SORCS3: variants seen among roughly 807,000 people sequenced by gnomAD.
SORCS3 encodes VPS10 domain-containing receptor SorCS3.
A neutral mutation model predicts 146.3 loss-of-function variants in SORCS3; 57 were observed. The observed-to-expected ratio is 0.39, with a 90% CI of 0.31 to 0.49. The LOEUF (loss-of-function observed/expected upper bound fraction) is 0.49. Among genes scored for constraint, SORCS3 ranks in the 20% least tolerant of loss-of-function variants. SORCS3 has a pLI of 0.92. For missense variants in SORCS3, 1,341 were observed against 1,575.5 expected (o/e 0.85, Z 2.52); for synonymous variants, 653 against 618.5 (o/e 1.06, Z -0.83).
intron 4 of SORCS3, among the ~76,000 whole-genome samples, chr10:105,013,419 T>C (rs1046250885): frequency 1.3e-5 from 2 of 151,952 alleles, no homozygotes; most frequent in Non-Finnish European, 2.9e-5. Flanking sequence ...AGGAAAAAGG[T>C]CATCTTCTAT....
At chr10:104,688,792 T>C (rs996715287) in intron 1 of SORCS3, among the ~76,000 whole-genome samples, 3 of 152,192 alleles carry the variant, frequency 2.0e-5, no homozygotes, top group African/African-American at 7.2e-5. Context: ...CCACAGACTC[T>C]ATTCCCTCCA....
chr10:104,737,464 G>C (rs1191235002), intron 1 of SORCS3, among the ~76,000 whole-genome samples: 21 of 152,210 alleles, frequency 1.4e-4, no homozygotes, highest in Middle Eastern at 3.4e-3. Flanking sequence ...TTTTACTGAT[G>C]GCCATTCTAA....
intron 3 of SORCS3, among the ~76,000 whole-genome samples, chr10:104,968,313 A>G (rs2054838270): frequency 6.6e-6 from 1 of 152,272 alleles, no homozygotes; most frequent in Middle Eastern, 3.4e-3. Flanking sequence ...ACAGGGTTTC[A>G]TCATATTGGT....
At chr10:105,190,557 C>T (rs1407631098) in intron 14 of SORCS3, among the ~76,000 whole-genome samples, 8 of 152,106 alleles carry the variant, frequency 5.3e-5, no homozygotes, top group Admixed American at 5.2e-4. Flanking sequence ...TGCCACCACG[C>T]CAAGCTAATT....
Position 104,892,264 on chromosome 10 carries a change from G to T in SORCS3, c.696-23569G>T, listed in dbSNP as rs80076070. Among the ~76,000 whole-genome samples the T allele has an allele frequency of 2.4e-3, 371 of 152,274 alleles. 1 individual carries two copies. Among genetic ancestry groups the T allele is most frequent in the African/African-American group, 8.5e-3 (353 of 41,552 alleles). ...TTTAGGGAGATGCACTAAGCTAGTT[G>T]GGATTAGGTATTATTTTGGCCGAGG... On this transcript the variant is annotated intron_variant, in intron 2 of 26. Coordinates refer to ENST00000369701, the MANE Select transcript of SORCS3 (RefSeq NM_014978.3).
intron 1 of SORCS3, among the ~76,000 whole-genome samples, chr10:104,692,315 A>G (rs2016123077): frequency 6.6e-6 from 1 of 152,164 alleles, no homozygotes; most frequent in East Asian, 1.9e-4. Flanking sequence ...CCTTCTCGTC[A>G]TGTGTCTGTG....
intron 2 of SORCS3, among the ~76,000 whole-genome samples, chr10:104,851,238 C>T (rs1178306734): frequency 2.0e-5 from 3 of 152,048 alleles, no homozygotes; most frequent in Non-Finnish European, 2.9e-5. Flanking sequence ...CTTTTTATGC[C>T]TCTTTTTTCT....
chr10:105,065,688 A>G (rs1244606892), intron 5 of SORCS3, among the ~76,000 whole-genome samples: 1 of 152,208 alleles, frequency 6.6e-6, no homozygotes, highest in Non-Finnish European at 1.5e-5. Flanking sequence ...TGGTCATTCT[A>G]AGAAGACAGC....
chr10:105,130,304 A>G (rs760979921), intron 7 of SORCS3, among the ~76,000 whole-genome samples: 4 of 152,116 alleles, frequency 2.6e-5, no homozygotes, highest in Non-Finnish European at 5.9e-5. Flanking sequence ...TTGGAAACTG[A>G]TTGAGTCCAG....
chr10:105,179,057 A>C (rs2056426428), intron 14 of SORCS3, among the ~76,000 whole-genome samples: 1 of 152,218 alleles, frequency 6.6e-6, no homozygotes. Flanking sequence ...TGGACTTGGA[A>C]GAAAGGCCAA....
At chr10:105,176,514 A>G (rs2056403990) in intron 13 of SORCS3, among the ~76,000 whole-genome samples, 1 of 151,976 alleles carries the variant, frequency 6.6e-6, no homozygotes. Context: ...GATCACGCCG[A>G]TGCACTCCAG....
chr10:105,256,640 C>T (rs547120835), intron 24 of SORCS3, among the ~76,000 whole-genome samples, 179 bp from the exon 25 acceptor site: 2 of 152,340 alleles, frequency 1.3e-5, no homozygotes, highest in South Asian at 4.1e-4. Context: ...AAGCTGTACT[C>T]AGGTGCCATT....
chr10:104,895,615 A>G (rs1158608244), intron 2 of SORCS3, among the ~76,000 whole-genome samples: 1 of 152,178 alleles, frequency 6.6e-6, no homozygotes, highest in African/African-American at 2.4e-5. Context: ...ATGTGCAAGA[A>G]TATAATGATT....
chr10:105,070,531 C>T, intron 5 of SORCS3, among the ~76,000 whole-genome samples: 1 of 152,296 alleles, frequency 6.6e-6, no homozygotes, highest in African/African-American at 2.4e-5. Context: ...GCTTCCCAGC[C>T]TGTGATCAAG....
intron 14 of SORCS3, among the ~76,000 whole-genome samples, chr10:105,190,215 A>G (rs567944891): frequency 2.0e-5 from 3 of 152,168 alleles, no homozygotes; most frequent in Non-Finnish European, 4.4e-5. Flanking sequence ...GGTTGCTGCA[A>G]ATGCCTAAAT....
chr10:104,808,814 G>T (rs2133516563), intron 1 of SORCS3, among the ~76,000 whole-genome samples: 1 of 152,338 alleles, frequency 6.6e-6, no homozygotes, highest in African/African-American at 2.4e-5. Context: ...CCATTTTACA[G>T]TTAAGGGAGT....
chr10:105,251,112 A>G (rs1589710991), intron 22 of SORCS3, among the ~76,000 whole-genome samples: 1 of 152,170 alleles, frequency 6.6e-6, no homozygotes, highest in East Asian at 1.9e-4. Flanking sequence ...TGTATACCCG[A>G]AACTGGGTAA....
chr10:105,261,127 T>C (rs189949002), intron 25 of SORCS3, among the ~76,000 whole-genome samples: 3 of 152,262 alleles, frequency 2.0e-5, no homozygotes, highest in South Asian at 4.1e-4. Context: ...GTTAGTATAG[T>C]GGGACAGAAA....
intron 1 of SORCS3, among the ~76,000 whole-genome samples, chr10:104,714,606 C>T (rs1277053420): frequency 6.6e-6 from 1 of 152,158 alleles, no homozygotes; most frequent in East Asian, 1.9e-4. Context: ...CCACTGTGGT[C>T]TGAGGACATA....
Sources: gnomAD v4.1 joint callset for allele counts (sites outside exome capture counted in the v4.1 genomes callset) on GRCh38, gnomAD v4.1.1 for gene constraint, MANE v1.5 for transcripts, NCBI Gene and HGNC (gene_info 2026-07-23, HGNC 2026-07-21) for gene names.